CNTN3: variants seen among roughly 807,000 people sequenced by gnomAD.
The protein encoded by CNTN3 is contactin-3.
A neutral mutation model predicts 119.1 loss-of-function variants in CNTN3; 60 were observed. The ratio of observed to expected loss-of-function variants is 0.50; its 90% CI spans 0.41 to 0.62. The LOEUF (loss-of-function observed/expected upper bound fraction) is 0.62. Ranked by LOEUF, CNTN3 falls within the 20% of genes least tolerant of loss-of-function variation. The pLI, the probability that CNTN3 is intolerant of heterozygous loss-of-function variation, is 0.00. For missense variants in CNTN3, 1,101 were observed against 1,242.4 expected (o/e 0.89, Z 1.71); for synonymous variants, 450 against 438.7 (o/e 1.03, Z -0.32).
At chr3:74,493,607 T>G (rs1327100352) in intron 3 of CNTN3, among the ~76,000 whole-genome samples, 1 of 152,158 alleles carries the variant, frequency 6.6e-6, no homozygotes, top group Non-Finnish European at 1.5e-5. Flanking sequence ...ATACTTTATT[T>G]GGGGTTTGAC....
intron 1 of CNTN3, among the ~76,000 whole-genome samples, chr3:74,552,473 G>A (rs1033182281): frequency 6.6e-6 from 1 of 152,164 alleles, no homozygotes; most frequent in African/African-American, 2.4e-5. Flanking sequence ...TGTGACCTGT[G>A]TTTTGGATTG....
chr3:74,357,307 G>T (rs1293613330), intron 11 of CNTN3, among the ~76,000 whole-genome samples: 2 of 151,720 alleles, frequency 1.3e-5, no homozygotes, highest in Admixed American at 6.6e-5. Flanking sequence ...TTAATAGAAG[G>T]AGTTTCCCTC....
chr3:74,380,241 T>C (rs1016555684), intron 5 of CNTN3, among the ~76,000 whole-genome samples: 1 of 152,240 alleles, frequency 6.6e-6, no homozygotes, highest in Non-Finnish European at 1.5e-5. Context: ...ACACTGGACA[T>C]TTCACTGCCA....
rs142019443 is a variant in CNTN3, at chr3:74,592,531, C to T, written c.-81+21860G>A. On this transcript the variant is annotated intron_variant, in intron 1 of 22. Coordinates refer to ENST00000263665, the MANE Select transcript of CNTN3 (RefSeq NM_020872.3). ...ATCCAACGATTCTTACTTAAGAAGTCAAAAAGAGGAACACCAGCACTTTTT... is the reference window on the plus strand; with the variant it reads ...ATCCAACGATTCTTACTTAAGAAGTTAAAAAGAGGAACACCAGCACTTTTT... Among the ~76,000 whole-genome samples the T allele has an allele frequency of 9.9e-5, 15 of 151,786 alleles. No individual in the cohort carries two copies. The East Asian group carries it at 1.4e-3, about 14-fold the overall frequency.
At chr3:74,415,968 G>A (rs966028292) in intron 5 of CNTN3, among the ~76,000 whole-genome samples, 1 of 152,172 alleles carries the variant, frequency 6.6e-6, no homozygotes, top group Non-Finnish European at 1.5e-5. Context: ...AAGTCAGTTG[G>A]AATGTGCTGG....
chr3:74,347,989 G>A (rs1282895814), intron 11 of CNTN3, among the ~76,000 whole-genome samples: 3 of 152,146 alleles, frequency 2.0e-5, no homozygotes, highest in Non-Finnish European at 4.4e-5. Context: ...ATGTTTTACA[G>A]TTGGAAAAAA....
rs189837275 is a variant in CNTN3, at chr3:74,352,645, T to C, written c.1364+9245A>G. 3.9e-5 allele frequency among the ~76,000 whole-genome samples: 6 copies of C among 152,282 alleles called. No individual in the cohort carries two copies. The East Asian group carries it at 9.6e-4, about 24-fold the overall frequency. ...TATGTATTCCCAGAGCCGGACATAA[T>C]ACCCAGTGAAAAATAACAATATGAT... is the stretch of plus-strand genomic sequence containing the variant. On this transcript the variant is annotated intron_variant, in intron 11 of 22. Coordinates refer to ENST00000263665, the MANE Select transcript of CNTN3 (RefSeq NM_020872.3).
intron 11 of CNTN3, among the ~76,000 whole-genome samples, chr3:74,340,800 G>A (rs964642798): frequency 6.6e-5 from 10 of 152,106 alleles, no homozygotes; most frequent in African/African-American, 2.4e-4. Flanking sequence ...AAGTAAAAAT[G>A]CCTCTTGTTG....
At chr3:74,362,229 G>A (rs570392813) in intron 10 of CNTN3, among the ~76,000 whole-genome samples, 189 bp from the exon 11 acceptor site, 23 of 152,298 alleles carry the variant, frequency 1.5e-4, no homozygotes, top group African/African-American at 3.8e-4. Context: ...AGTCTAAATC[G>A]TGAGACAATT....
chr3:74,517,543 G>A (rs909585358), intron 2 of CNTN3, among the ~76,000 whole-genome samples: 1 of 151,760 alleles, frequency 6.6e-6, no homozygotes. Flanking sequence ...AAAGTATTAC[G>A]GACCTCAATG....
intron 1 of CNTN3, among the ~76,000 whole-genome samples, chr3:74,566,338 TA>T (rs1704225802): frequency 6.6e-6 from 1 of 151,794 alleles, no homozygotes; most frequent in Admixed American, 6.5e-5. Flanking sequence ...AGGGAAGGTG[TA>T]TTCAGTTCTT....
chr3:74,530,196 T>G (rs1703674545), intron 1 of CNTN3, among the ~76,000 whole-genome samples: 1 of 151,992 alleles, frequency 6.6e-6, no homozygotes, highest in East Asian at 1.9e-4. Flanking sequence ...TACTACATTT[T>G]AATAAGAGAT....
chr3:74,500,111 T>A (rs192202683), intron 2 of CNTN3, among the ~76,000 whole-genome samples: 2 of 152,038 alleles, frequency 1.3e-5, no homozygotes, highest in African/African-American at 4.8e-5. Context: ...GTCTTTCTTG[T>A]CATAGCCTTT....
Position 74,475,104 on chromosome 3 carries a change from G to A in CNTN3, c.358+11352C>T, listed in dbSNP as rs1383274992. On this transcript the variant is annotated intron_variant, in intron 4 of 22. Coordinates refer to ENST00000263665, the MANE Select transcript of CNTN3 (RefSeq NM_020872.3). The stretch of plus-strand genomic sequence containing the variant: ...ATTTCTTTATAGCAATGTGAGAACA[G>A]ACTAATACATGTGCCTTCTCTGGTC... 2.0e-5 allele frequency among the ~76,000 whole-genome samples: 3 copies of A among 152,150 alleles called. No homozygotes were observed. The East Asian group carries it at 5.8e-4, about 29-fold the overall frequency.
chr3:74,339,855 C>T (rs1442625827), intron 11 of CNTN3, among the ~76,000 whole-genome samples: 3 of 151,646 alleles, frequency 2.0e-5, no homozygotes. Flanking sequence ...CAGACTAATA[C>T]AAACACACAC....
At chr3:74,447,286 T>C (rs1293756147) in intron 4 of CNTN3, among the ~76,000 whole-genome samples, 1 of 152,112 alleles carries the variant, frequency 6.6e-6, no homozygotes, top group Admixed American at 6.6e-5. Context: ...GAACAACATA[T>C]GGTGATCCAG....
intron 13 of CNTN3, among the ~76,000 whole-genome samples, chr3:74,316,341 T>A (rs1420946406): frequency 6.6e-6 from 1 of 152,084 alleles, no homozygotes; most frequent in Non-Finnish European, 1.5e-5. Context: ...AAATAACAGA[T>A]GATGGCAAGG....
At position 74,562,547 on chromosome 3, in the gene CNTN3, G is replaced by A. The variant is rs56794241; in HGVS notation, c.-80-41355C>T. ...ATATCCAGGTAATAAACTCAAAAGG[G>A]AAAACGAGAGGCTAATGATGAAGGC... On this transcript the variant is annotated intron_variant, in intron 1 of 22. Transcript: ENST00000263665. Among the ~76,000 whole-genome samples the A allele has an allele frequency of 7.9e-3, 1,206 of 152,222 alleles. 17 individuals carry two copies. Among genetic ancestry groups the A allele is most frequent in the African/African-American group, 0.028 (1,151 of 41,550 alleles).
intron 1 of CNTN3, among the ~76,000 whole-genome samples, chr3:74,535,124 G>A (rs902630081): frequency 3.9e-5 from 6 of 151,986 alleles, no homozygotes; most frequent in African/African-American, 1.2e-4. Context: ...ACATCTTTTT[G>A]TTTAAACACT....
Sources: allele counts gnomAD v4.1 joint callset (sites outside exome capture counted in the v4.1 genomes callset), GRCh38; gene constraint gnomAD v4.1.1; transcripts MANE v1.5; gene names NCBI Gene and HGNC (gene_info 2026-07-23, HGNC 2026-07-21).